Variants in P3H2 observed in about 807,000 individuals in gnomAD.
The protein encoded by P3H2 is leprecan-like 1.
In P3H2, 80 loss-of-function variants were observed where a neutral mutation model predicts 87.0. The observed-to-expected ratio is 0.92, with a 90% CI of 0.77 to 1.11. The LOEUF (loss-of-function observed/expected upper bound fraction) is 1.11. P3H2 is among the 50% of genes least tolerant of loss of function. The probability of loss-of-function intolerance (pLI) is 0.00; values close to 1 mark genes in which losing one functional copy is unlikely to be tolerated. For missense variants in P3H2, 1,001 were observed against 923.9 expected, an observed-to-expected ratio of 1.08 and a Z score of -1.08; for synonymous variants, 367 against 359.3, an observed-to-expected ratio of 1.02 and a Z score of -0.24.
chr3:190,056,103 T>A (rs1252405840), intron 1 of P3H2, among the ~76,000 whole-genome samples: 13 of 152,156 alleles, frequency 8.5e-5, no homozygotes, highest in African/African-American at 2.9e-4. Context: ...AAGCTCTCTC[T>A]CTCTGCCTCT....
intron 1 of P3H2, among the ~76,000 whole-genome samples, chr3:190,029,877 C>A (rs1725197742): frequency 6.6e-6 from 1 of 151,892 alleles, no homozygotes; most frequent in South Asian, 2.1e-4. Context: ...TGGTGGGCAC[C>A]TGTAATCCCA....
Position 189,988,933 on chromosome 3 carries a change from T to C in P3H2, c.929A>G (p.Asp310Gly), listed in dbSNP as rs780847150. Residue 310 changes from aspartate to glycine, a missense_variant, in exon 4 of 15, where the codon GAT becomes GGT. Physicochemically the swap from Asp to Gly is moderately conservative, Grantham distance 94. Transcript: ENST00000319332. Reference sequence around the variant, plus strand: ...TCGATAGTAGGCAAACTGTAGGTAATCATAGTGCAGAGGAAGAAAATTCTC... The same window carrying C: ...TCGATAGTAGGCAAACTGTAGGTAACCATAGTGCAGAGGAAGAAAATTCTC... ...PIENFLPLHY[D>G]YLQFAYYRVG... is the part of the protein sequence containing the mutation. The C allele has an allele frequency of 4.3e-6, 7 of 1,613,948 alleles. No homozygotes were observed. Among genetic ancestry groups the C allele is most frequent in the Non-Finnish European group, 5.9e-6 (7 of 1,179,990 alleles).
chr3:190,007,121 A>G (rs1724412440), intron 1 of P3H2, among the ~76,000 whole-genome samples: 1 of 152,136 alleles, frequency 6.6e-6, no homozygotes, highest in African/African-American at 2.4e-5. Flanking sequence ...AGGAGAGTGT[A>G]AGACTGGAGG....
Position 189,956,807 on chromosome 3 carries a change from C to A in P3H2, c.*1105G>T, listed in dbSNP as rs894404230. The stretch of plus-strand genomic sequence containing the variant: ...CTGGATAGCAGCAATGAGGAGGGGC[C>A]CCCAAAATATAAGCAGATGACGGTT... On this transcript the variant is annotated 3_prime_UTR_variant, in exon 15 of 15. Coordinates refer to ENST00000319332, the MANE Select transcript of P3H2 (RefSeq NM_018192.4). 3 of 260,550 alleles carry A rather than the reference C, an allele frequency of 1.2e-5. No individual in the cohort carries two copies. Among genetic ancestry groups the A allele is most frequent in the African/African-American group, 6.6e-5 (3 of 45,386 alleles). The allele number at this position is 260,550 out of a possible 1,614,324, so 16.1% of individuals were successfully genotyped here.
chr3:190,112,890 A>C (rs906942057), intron 1 of P3H2, among the ~76,000 whole-genome samples: 2 of 152,218 alleles, frequency 1.3e-5, no homozygotes, highest in African/African-American at 2.4e-5. Flanking sequence ...GGAGGGATGA[A>C]TAAAAAGACA....
intron 1 of P3H2, among the ~76,000 whole-genome samples, chr3:190,045,117 G>C (rs972366923): frequency 1.3e-5 from 2 of 152,142 alleles, no homozygotes; most frequent in African/African-American, 4.8e-5. Flanking sequence ...CAAGTGCAAA[G>C]GCTCTTTGAG....
At chr3:190,051,512 AG>A (rs1725982951) in intron 1 of P3H2, among the ~76,000 whole-genome samples, 1 of 152,242 alleles carries the variant, frequency 6.6e-6, no homozygotes, top group Non-Finnish European at 1.5e-5. Flanking sequence ...CCTTGCTTAA[AG>A]AAGAGCCAAT....
intron 1 of P3H2, among the ~76,000 whole-genome samples, chr3:190,112,632 G>C (rs1424658123): frequency 6.6e-6 from 1 of 152,162 alleles, no homozygotes; most frequent in Non-Finnish European, 1.5e-5. Context: ...GAAAAACAGA[G>C]AAATAACTAG....
chr3:189,963,289 G>T (rs837681), intron 14 of P3H2, among the ~76,000 whole-genome samples: 32,723 of 152,090 alleles, frequency 0.22, 3,742 homozygotes, highest in Non-Finnish European at 0.27. Flanking sequence ...TGTAATAACA[G>T]TAATAAGTAA....
chr3:190,025,872 A>T lies in P3H2; in HGVS notation c.481-30430T>A, dbSNP rs577334216. 2.2e-3 allele frequency among the ~76,000 whole-genome samples: 338 copies of T among 152,150 alleles called. 1 individual carries two copies. The highest frequency in any genetic ancestry group is 3.1e-3 in the African/African-American group (129 of 41,504). ...AATCCTGACCATGGACCAAAAAAAA[A>T]TTTTTTTTGAAAAGCTAATTTTAGA... On this transcript the variant is annotated intron_variant, in intron 1 of 14. Coordinates refer to ENST00000319332, the MANE Select transcript of P3H2 (RefSeq NM_018192.4).
intron 1 of P3H2, among the ~76,000 whole-genome samples, chr3:190,110,464 A>G (rs1215339542): frequency 6.6e-6 from 1 of 152,222 alleles, no homozygotes; most frequent in Non-Finnish European, 1.5e-5. Flanking sequence ...AGCCCTTGGT[A>G]ATCCTATAGA....
intron 1 of P3H2, among the ~76,000 whole-genome samples, chr3:190,039,783 T>C (rs1456342535): frequency 2.6e-5 from 4 of 152,254 alleles, no homozygotes; most frequent in Non-Finnish European, 5.9e-5. Context: ...GTTGATTTTC[T>C]ACTGATCATG....
In P3H2 at chr3:189,976,035, A is replaced by AACTAAATT. The variant is rs371155205; in HGVS notation, c.1325-1358_1325-1351dup. Among the ~76,000 whole-genome samples the AACTAAATT allele has an allele frequency of 2.9e-3, 443 of 152,224 alleles. 2 individuals are homozygous for AACTAAATT. Among genetic ancestry groups the AACTAAATT allele is most frequent in the African/African-American group, 0.01 (427 of 41,556 alleles). Reference sequence around the variant, plus strand: ...TAAATAAAAGCAAGACCATAAAATGAACTAAATTCCAATCAACAAATGGAA... The same window carrying AACTAAATT: ...TAAATAAAAGCAAGACCATAAAATGAACTAAATTACTAAATTCCAATCAACAAATGGAA... On this transcript the variant is annotated intron_variant, in intron 8 of 14. Transcript: ENST00000319332.
chr3:190,044,850 C>T (rs1261091214), intron 1 of P3H2, among the ~76,000 whole-genome samples: 2 of 152,118 alleles, frequency 1.3e-5, no homozygotes, highest in African/African-American at 2.4e-5. Context: ...TCTCTGTTCT[C>T]AATAACATGA....
chr3:190,068,111 T>C (rs1177383734), intron 1 of P3H2, among the ~76,000 whole-genome samples: 1 of 152,146 alleles, frequency 6.6e-6, no homozygotes, highest in Middle Eastern at 3.2e-3. Flanking sequence ...AATGGGATAG[T>C]ATAATCTCAT....
intron 8 of P3H2, 72 bp downstream of exon 8, chr3:189,982,974 C>G (rs1478347844): frequency 8.7e-7 from 1 of 1,148,226 alleles, no homozygotes; most frequent in East Asian, 2.3e-5. Context: ...CTTCCTTGAT[C>G]TGGAAAAGAA....
chr3:190,106,683 A>C (rs558940923), intron 1 of P3H2, among the ~76,000 whole-genome samples: 1 of 152,178 alleles, frequency 6.6e-6, no homozygotes, highest in Non-Finnish European at 1.5e-5. Context: ...TTTTTTGACT[A>C]TATACCTGTT....
chr3:189,997,050 T>A (rs1313747422), intron 1 of P3H2, among the ~76,000 whole-genome samples: 1 of 152,212 alleles, frequency 6.6e-6, no homozygotes, highest in Non-Finnish European at 1.5e-5. Context: ...TGAGACGGAG[T>A]CTTGCTCTGT....
At chr3:190,029,722 C>A (rs1725193440) in intron 1 of P3H2, among the ~76,000 whole-genome samples, 1 of 152,006 alleles carries the variant, frequency 6.6e-6, no homozygotes, top group South Asian at 2.1e-4. Flanking sequence ...ATTTGCTGGC[C>A]AGGCACGGTG....
Sources: gnomAD v4.1 joint callset for allele counts (sites outside exome capture counted in the v4.1 genomes callset) on GRCh38, gnomAD v4.1.1 for gene constraint, MANE v1.5 for transcripts, NCBI Gene and HGNC (gene_info 2026-07-23, HGNC 2026-07-21) for gene names.